Variants in CNTN5 observed in about 807,000 individuals in gnomAD.
The protein encoded by CNTN5 is contactin 5.
Under a neutral mutation model 129.1 loss-of-function variants are expected in CNTN5, and 77 were observed. The observed-to-expected ratio is 0.60, with a 90% CI of 0.50 to 0.72. The LOEUF (loss-of-function observed/expected upper bound fraction) is 0.72. Among genes scored for constraint, CNTN5 ranks in the 30% least tolerant of loss-of-function variants. The pLI is 0.00. For missense variants in CNTN5, 1,478 were observed against 1,328.8 expected (o/e 1.11, Z -1.75); for synonymous variants, 509 against 465.6 (o/e 1.09, Z -1.20).
chr11:99,639,280 G>C (rs1951679395), intron 3 of CNTN5, among the ~76,000 whole-genome samples: 1 of 152,130 alleles, frequency 6.6e-6, no homozygotes, highest in Non-Finnish European at 1.5e-5. Context: ...CCCTGGGCCT[G>C]GCCCATGAAA....
chr11:99,837,698 A>AC lies in CNTN5; in HGVS notation c.278-7154_278-7153insC, dbSNP rs1947350848. 2.6e-5 allele frequency among the ~76,000 whole-genome samples: 4 copies of AC among 151,910 alleles called. No individual in the cohort carries two copies. The South Asian group carries it at 8.3e-4, about 32-fold the overall frequency. ...CCACACATGAGTAAAAAAAAAAAAA[A>AC]AAAAAACCTATCAAATATCACATGT... is the stretch of plus-strand genomic sequence containing the variant. On this transcript the variant is annotated intron_variant, in intron 4 of 24. Coordinates refer to ENST00000524871, the MANE Select transcript of CNTN5 (RefSeq NM_014361.4).
intron 2 of CNTN5, among the ~76,000 whole-genome samples, chr11:99,338,357 A>C (rs2136046551): frequency 6.6e-6 from 1 of 152,304 alleles, no homozygotes; most frequent in South Asian, 2.1e-4. Flanking sequence ...GGGCATAATA[A>C]GATTCAGTAA....
At chr11:100,240,577 C>T (rs1450813837) in intron 16 of CNTN5, among the ~76,000 whole-genome samples, 3 of 152,122 alleles carry the variant, frequency 2.0e-5, no homozygotes, top group Admixed American at 6.5e-5. Context: ...TTGATTTGCT[C>T]ATTTAGTTAA....
chr11:100,258,885 A>G (rs1267676547), intron 17 of CNTN5, among the ~76,000 whole-genome samples: 1 of 152,210 alleles, frequency 6.6e-6, no homozygotes, highest in Non-Finnish European at 1.5e-5. Context: ...AAGCTGCATC[A>G]ACTGACAGGC....
chr11:99,429,880 G>C (rs1591042074), intron 2 of CNTN5, among the ~76,000 whole-genome samples: 1 of 151,944 alleles, frequency 6.6e-6, no homozygotes, highest in Non-Finnish European at 1.5e-5. Context: ...GTAAGCAGCT[G>C]CCATTTAGCC....
chr11:100,007,176 T>C (rs763042434), intron 9 of CNTN5, among the ~76,000 whole-genome samples: 1 of 151,886 alleles, frequency 6.6e-6, no homozygotes, highest in Non-Finnish European at 1.5e-5. Context: ...CCAGGCTTTG[T>C]TGTTCCATTT....
In CNTN5 at chr11:99,636,816, C is replaced by T. The variant is rs1951574664; in HGVS notation, c.55+80547C>T. The stretch of plus-strand genomic sequence containing the variant: ...GATGGACGAGATCAGGAGATCAGGA[C>T]GATCCTGGCCAACATGGTGAAACCC... On this transcript the variant is annotated intron_variant, in intron 3 of 24. Coordinates refer to ENST00000524871, the MANE Select transcript of CNTN5 (RefSeq NM_014361.4). Among the ~76,000 whole-genome samples the T allele has an allele frequency of 2.6e-5, 4 of 151,308 alleles. No individual in the cohort carries two copies. In the South Asian group the frequency reaches 6.3e-4, roughly 24 times the overall value.
intron 1 of CNTN5, among the ~76,000 whole-genome samples, chr11:99,125,676 A>T (rs975453528): frequency 6.6e-6 from 1 of 152,118 alleles, no homozygotes; most frequent in African/African-American, 2.4e-5. Context: ...CATTATTTTA[A>T]ATCCTATCAA....
intron 8 of CNTN5, among the ~76,000 whole-genome samples, chr11:100,000,873 T>C (rs1441364660): frequency 6.6e-6 from 1 of 152,148 alleles, no homozygotes; most frequent in South Asian, 2.1e-4. Context: ...TCTGAAGCAA[T>C]GGCCTGAGCT....
At chr11:99,851,263 G>C (rs192116481) in intron 6 of CNTN5, among the ~76,000 whole-genome samples, 14 of 152,262 alleles carry the variant, frequency 9.2e-5, no homozygotes, top group Non-Finnish European at 1.6e-4. Context: ...TGGAGAAGCT[G>C]TGTTAATGAA....
At chr11:100,112,801 G>T (rs959688590) in intron 13 of CNTN5, among the ~76,000 whole-genome samples, 1 of 152,126 alleles carries the variant, frequency 6.6e-6, no homozygotes, top group Non-Finnish European at 1.5e-5. Context: ...ATTTAAAGCT[G>T]AGGGCAAAAT....
Position 100,122,168 on chromosome 11 carries a change from C to T in CNTN5, c.1580+47874C>T, listed in dbSNP as rs1003059087. Among the ~76,000 whole-genome samples, 4 of 151,864 alleles carry T rather than the reference C, an allele frequency of 2.6e-5. No individual in the cohort carries two copies. The South Asian group carries it at 6.2e-4, about 24-fold the overall frequency. ...AACACTTCAGAACCAAGAAAGCCAA[C>T]GATGTCATTCTCAGTTTGAGGTTGA... On this transcript the variant is annotated intron_variant, in intron 13 of 24. Transcript: ENST00000524871.
At position 99,185,560 on chromosome 11, in the gene CNTN5, G is replaced by GT. The variant is rs572223616; in HGVS notation, c.-209-139778dup. On this transcript the variant is annotated intron_variant, in intron 1 of 24. Coordinates refer to ENST00000524871, the MANE Select transcript of CNTN5 (RefSeq NM_014361.4). ...ACAATATACAGTGAAATCCTCAAAAGTTTTTTTTCCCTATGACCTTAATTA... is the reference window on the plus strand; with the variant it reads ...ACAATATACAGTGAAATCCTCAAAAGTTTTTTTTTCCCTATGACCTTAATTA... Among the ~76,000 whole-genome samples, 10 of 151,464 alleles carry GT rather than the reference G, an allele frequency of 6.6e-5. No homozygotes were observed. The East Asian group carries it at 1.4e-3, about 21-fold the overall frequency.
At chr11:99,296,985 G>C (rs1036946598) in intron 1 of CNTN5, among the ~76,000 whole-genome samples, 1 of 152,188 alleles carries the variant, frequency 6.6e-6, no homozygotes, top group Admixed American at 6.5e-5. Context: ...TGAACCATCA[G>C]TGTGAAAGGC....
intron 3 of CNTN5, among the ~76,000 whole-genome samples, chr11:99,749,116 TG>T (rs1414295601): frequency 6.7e-6 from 1 of 148,710 alleles, no homozygotes; most frequent in Non-Finnish European, 1.5e-5. Flanking sequence ...ATTATCCACA[TG>T]GGTGGCTGAG....
At position 99,496,414 on chromosome 11, in the gene CNTN5, CATAA is replaced by C. The variant is rs1230912312; in HGVS notation, c.-70-59728_-70-59725del. 2.0e-5 allele frequency among the ~76,000 whole-genome samples: 3 copies of C among 152,032 alleles called. No homozygotes were observed. The East Asian group carries it at 5.8e-4, about 29-fold the overall frequency. On this transcript the variant is annotated intron_variant, in intron 2 of 24. Coordinates refer to ENST00000524871, the MANE Select transcript of CNTN5 (RefSeq NM_014361.4). ...GATGAAATGTAAAATGCTTTGACCT[CATAA>C]ATCTAAGGAGAAGAATGTTTTTCAC...
At chr11:99,983,258 A>G (rs1194949200) in intron 8 of CNTN5, among the ~76,000 whole-genome samples, 1 of 152,218 alleles carries the variant, frequency 6.6e-6, no homozygotes, top group South Asian at 2.1e-4. Context: ...AGTTTATTAA[A>G]CAGAGATAAG....
At chr11:99,791,211 CTT>C (rs1945730662) in intron 3 of CNTN5, among the ~76,000 whole-genome samples, 2 of 151,800 alleles carry the variant, frequency 1.3e-5, no homozygotes, top group Non-Finnish European at 2.9e-5. Flanking sequence ...GTCATGAACT[CTT>C]TCTCCATTCT....
intron 3 of CNTN5, among the ~76,000 whole-genome samples, chr11:99,664,829 G>T (rs920205212): frequency 6.6e-6 from 1 of 151,356 alleles, no homozygotes; most frequent in African/African-American, 2.4e-5. Context: ...GATCTTCCAG[G>T]GTACCTTATT....
Sources: allele counts gnomAD v4.1 joint callset (sites outside exome capture counted in the v4.1 genomes callset), GRCh38; gene constraint gnomAD v4.1.1; transcripts MANE v1.5; gene names NCBI Gene and HGNC (gene_info 2026-07-23, HGNC 2026-07-21).